Variants in ROBO2 observed in about 807,000 individuals in gnomAD.
The protein encoded by ROBO2 is roundabout guidance receptor 2, also known as roundabout homolog 2.
ROBO2 carries 53 observed loss-of-function variants against 160.8 expected under a neutral mutation model. The ratio of observed to expected loss-of-function variants is 0.33; its 90% CI spans 0.26 to 0.41. The LOEUF is 0.41. Ranked by LOEUF, ROBO2 falls within the 10% of genes least tolerant of loss-of-function variation. The pLI is 1.00. For missense variants in ROBO2, 1,577 were observed against 1,722.4 expected (o/e 0.92, Z 1.49); for synonymous variants, 664 against 611.7 (o/e 1.09, Z -1.26).
At chr3:77,407,765 T>C (rs532480262) in intron 2 of ROBO2, among the ~76,000 whole-genome samples, 1 of 152,334 alleles carries the variant, frequency 6.6e-6, no homozygotes, top group Non-Finnish European at 1.5e-5. Flanking sequence ...GACATTACTC[T>C]TAACTTTTAA....
chr3:76,082,618 A>T (rs969093674), intron 2 of ROBO2, among the ~76,000 whole-genome samples: 1 of 152,112 alleles, frequency 6.6e-6, no homozygotes, highest in African/African-American at 2.4e-5. Context: ...ACCTCCTTCA[A>T]GTCTCTGCTC....
intron 2 of ROBO2, among the ~76,000 whole-genome samples, chr3:77,213,255 A>C (rs180878848): frequency 2.5e-4 from 38 of 151,948 alleles, no homozygotes; most frequent in African/African-American, 8.4e-4. Context: ...TCAATTTCAG[A>C]GCCTGTTATT....
chr3:76,895,769 C>T (rs2074719578), intron 2 of ROBO2, among the ~76,000 whole-genome samples: 1 of 152,274 alleles, frequency 6.6e-6, no homozygotes, highest in South Asian at 2.1e-4. Flanking sequence ...AGATAGTTTT[C>T]ATTTACTCGA....
chr3:77,080,055 C>G (rs866679672), intron 1 of ROBO2, among the ~76,000 whole-genome samples: 1 of 152,172 alleles, frequency 6.6e-6, no homozygotes, highest in South Asian at 2.1e-4. Flanking sequence ...GTAAAGCTCT[C>G]TTGACAAATG....
At chr3:77,396,637 A>G (rs2075309747) in intron 2 of ROBO2, among the ~76,000 whole-genome samples, 1 of 152,158 alleles carries the variant, frequency 6.6e-6, no homozygotes, top group Non-Finnish European at 1.5e-5. Context: ...AGACATAATC[A>G]TCATATTAGA....
intron 2 of ROBO2, among the ~76,000 whole-genome samples, chr3:76,368,525 A>C (rs1485444675): frequency 6.6e-6 from 1 of 151,906 alleles, no homozygotes; most frequent in Non-Finnish European, 1.5e-5. Context: ...GGCAGGGCTC[A>C]GCTGGGACTG....
At chr3:76,755,842 T>G (rs978276881) in intron 2 of ROBO2, among the ~76,000 whole-genome samples, 6 of 151,800 alleles carry the variant, frequency 4.0e-5, no homozygotes, top group Non-Finnish European at 8.8e-5. Context: ...CTTAGTTGGG[T>G]CTGCAGTCTC....
chr3:76,509,209 C>T (rs924491831), intron 2 of ROBO2, among the ~76,000 whole-genome samples: 2 of 152,176 alleles, frequency 1.3e-5, no homozygotes, highest in Admixed American at 6.5e-5. Context: ...CATTTTAGGG[C>T]TCCTTCTGTT....
At chr3:76,729,394 C>T (rs2093600315) in intron 2 of ROBO2, among the ~76,000 whole-genome samples, 1 of 152,108 alleles carries the variant, frequency 6.6e-6, no homozygotes, top group Non-Finnish European at 1.5e-5. Context: ...TAATTCACCA[C>T]TCTAATAGTT....
intron 2 of ROBO2, among the ~76,000 whole-genome samples, chr3:76,267,735 A>G (rs944539669): frequency 1.1e-4 from 17 of 152,250 alleles, no homozygotes; most frequent in African/African-American, 3.8e-4. Context: ...TTACAATATA[A>G]TGTTAGAATA....
At chr3:76,463,373 GA>G (rs1254194895) in intron 2 of ROBO2, among the ~76,000 whole-genome samples, 1 of 98,948 alleles carries the variant, frequency 1.0e-5, no homozygotes, top group African/African-American at 4.7e-5. Flanking sequence ...AAGTGTTTGG[GA>G]AAAAAAAACA....
At chr3:77,563,182 T>C in exon 11 of ROBO2, 1 of 1,613,272 alleles carries the variant, frequency 6.2e-7, no homozygotes, top group Non-Finnish European at 8.5e-7. Flanking sequence ...GGAGCAACAA[T>C]CAGTAAAAAC....
intron 2 of ROBO2, among the ~76,000 whole-genome samples, chr3:76,960,507 T>G (rs1010575777): frequency 4.6e-5 from 7 of 152,272 alleles, no homozygotes; most frequent in African/African-American, 1.7e-4. Context: ...AAAATGTAAT[T>G]AAAATGTCCA....
intron 2 of ROBO2, among the ~76,000 whole-genome samples, chr3:76,515,510 T>A (rs917935785): frequency 1.3e-5 from 2 of 152,136 alleles, no homozygotes; most frequent in African/African-American, 4.8e-5. Flanking sequence ...TTTTTTTTTT[T>A]TGTACTAATA....
exon 26 of ROBO2, chr3:77,646,281 A>G: frequency 2.5e-6 from 1 of 406,290 alleles, no homozygotes; most frequent in Non-Finnish European, 4.5e-6. Flanking sequence ...AGTATATAAA[A>G]AAGAAAGAAA....
At chr3:76,271,863 A>G (rs1707452334) in intron 2 of ROBO2, among the ~76,000 whole-genome samples, 1 of 152,042 alleles carries the variant, frequency 6.6e-6, no homozygotes, top group African/African-American at 2.4e-5. Context: ...TAGTTCTTAA[A>G]ATATTTCTGA....
At chr3:77,043,661 C>T (rs1353257323) in intron 1 of ROBO2, among the ~76,000 whole-genome samples, 2 of 151,994 alleles carry the variant, frequency 1.3e-5, no homozygotes, top group Non-Finnish European at 2.9e-5. Flanking sequence ...CCTTTGTTTT[C>T]CAGCTTTTCT....
In ROBO2 at chr3:76,743,746, C is replaced by T. The variant is rs1332346596; in HGVS notation, c.110-354268C>T. Among the ~76,000 whole-genome samples, 3 of 151,682 alleles carry T rather than the reference C, an allele frequency of 2.0e-5. No individual in the cohort carries two copies. In the East Asian group the frequency reaches 5.8e-4, roughly 29 times the overall value. ...TTTCTCTTATACTATGCAAATTTAG[C>T]ACTTATATTGCATGGAACATAACAG... On this transcript the variant is annotated intron_variant, in intron 2 of 26. Transcript: ENST00000487694.
intron 2 of ROBO2, among the ~76,000 whole-genome samples, chr3:76,638,134 A>G (rs896883968): frequency 2.6e-5 from 4 of 152,200 alleles, no homozygotes; most frequent in Admixed American, 1.3e-4. Flanking sequence ...TGTTCAAATG[A>G]ATCCTGCCTA....
Sources: allele counts gnomAD v4.1 joint callset (sites outside exome capture counted in the v4.1 genomes callset), GRCh38; gene constraint gnomAD v4.1.1; transcripts MANE v1.5; gene names NCBI Gene and HGNC (gene_info 2026-07-23, HGNC 2026-07-21).